Variants in SKAP2 observed in about 807,000 individuals in gnomAD.
The protein encoded by SKAP2 is src kinase-associated phosphoprotein 2.
SKAP2 carries 28 observed loss-of-function variants against 54.9 expected under a neutral mutation model. The ratio of observed to expected loss-of-function variants is 0.51; its 90% CI spans 0.38 to 0.70. The LOEUF (loss-of-function observed/expected upper bound fraction) is 0.70, where lower values mean the gene tolerates loss of function less well. Among genes scored for constraint, SKAP2 ranks in the 30% least tolerant of loss-of-function variants. SKAP2 has a pLI of 0.00. For synonymous variants in SKAP2, 137 were observed against 134.3 expected (o/e 1.02, Z -0.14); for missense variants, 356 against 424.1 (o/e 0.84, Z 1.41).
intron 4 of SKAP2, among the ~76,000 whole-genome samples, chr7:26,767,627 T>A (rs887157268): frequency 9.2e-5 from 14 of 152,226 alleles, no homozygotes; most frequent in African/African-American, 3.4e-4. Flanking sequence ...TAAACACTGC[T>A]TTAGCTGTGT....
chr7:26,815,691 G>A (rs1431076757), intron 4 of SKAP2, among the ~76,000 whole-genome samples: 3 of 152,042 alleles, frequency 2.0e-5, no homozygotes, highest in African/African-American at 7.2e-5. Context: ...TATGATGGAG[G>A]ATAAATCAAT....
At chr7:26,728,396 T>C (rs1293435359) in intron 6 of SKAP2, among the ~76,000 whole-genome samples, 1 of 152,076 alleles carries the variant, frequency 6.6e-6, no homozygotes, top group Non-Finnish European at 1.5e-5. Context: ...ATAAGAAAAA[T>C]TTAGTATGCA....
rs767927651 is a variant in SKAP2 at position 26,750,008 on chromosome 7, GGTTAA to G, written c.308-10049_308-10045del. Among the ~76,000 whole-genome samples, 46 of 151,688 alleles carry G rather than the reference GGTTAA, an allele frequency of 3.0e-4. No individual in the cohort carries two copies. The East Asian group carries it at 8.9e-3, about 29-fold the overall frequency. ...ATGTCATCATCACATAACCCTAAGA[GGTTAA>G]GTATTACTAACTCTATATTACCAAT... On this transcript the variant is annotated intron_variant, in intron 4 of 12. Transcript: ENST00000345317.
At chr7:26,727,830 T>C (rs1412955274) in intron 6 of SKAP2, among the ~76,000 whole-genome samples, 1 of 152,156 alleles carries the variant, frequency 6.6e-6, no homozygotes, top group Non-Finnish European at 1.5e-5. Flanking sequence ...TTACACCATT[T>C]TGATAGAAAA....
the SKAP2 span, among the ~76,000 whole-genome samples, chr7:26,656,723 G>A: frequency 6.6e-6 from 1 of 152,166 alleles, no homozygotes; most frequent in African/African-American, 2.4e-5. Context: ...GTTTGAGAAT[G>A]AGCACTGCTT....
intron 4 of SKAP2, among the ~76,000 whole-genome samples, chr7:26,762,565 C>T (rs931238613): frequency 1.3e-5 from 2 of 151,908 alleles, no homozygotes; most frequent in African/African-American, 4.8e-5. Flanking sequence ...CAGCTAGGCG[C>T]GGTGGCTCAT....
At chr7:26,793,067 CAT>C (rs930890653) in intron 4 of SKAP2, among the ~76,000 whole-genome samples, 1 of 152,156 alleles carries the variant, frequency 6.6e-6, no homozygotes, top group Non-Finnish European at 1.5e-5. Context: ...CTAGCAGTGA[CAT>C]AGTGTTTGCT....
the SKAP2 span, among the ~76,000 whole-genome samples, chr7:26,657,336 A>G: frequency 1.3e-5 from 2 of 152,078 alleles, no homozygotes; most frequent in African/African-American, 4.8e-5. Flanking sequence ...ACAACCAAAG[A>G]CACTTAAGGC....
chr7:26,753,723 G>A (rs183727215), intron 4 of SKAP2, among the ~76,000 whole-genome samples: 1 of 152,212 alleles, frequency 6.6e-6, no homozygotes, highest in Admixed American at 6.5e-5. Flanking sequence ...GGCAGTTACC[G>A]AGCATCCACT....
At chr7:26,807,988 T>C (rs910462180) in intron 4 of SKAP2, among the ~76,000 whole-genome samples, 3 of 152,240 alleles carry the variant, frequency 2.0e-5, no homozygotes, top group African/African-American at 7.2e-5. Context: ...CTTTTATGCA[T>C]ATAAATCAAA....
chr7:26,771,261 C>T (rs1783182637), intron 4 of SKAP2, among the ~76,000 whole-genome samples: 3 of 152,144 alleles, frequency 2.0e-5, no homozygotes, highest in Non-Finnish European at 2.9e-5. Flanking sequence ...TAAAGGTACA[C>T]TCGCCTATTG....
chr7:26,776,838 C>G (rs1023695760), intron 4 of SKAP2, among the ~76,000 whole-genome samples: 2 of 152,142 alleles, frequency 1.3e-5, no homozygotes, highest in Admixed American at 6.6e-5. Flanking sequence ...TGTGATAGAG[C>G]CTGACTTTTT....
At position 26,668,780 on chromosome 7, in the gene SKAP2, C is replaced by T. The variant is rs560782710; in HGVS notation, c.*886G>A. On this transcript the variant is annotated 3_prime_UTR_variant, in exon 13 of 13. Coordinates refer to ENST00000345317, the MANE Select transcript of SKAP2 (RefSeq NM_003930.5). ...TACCTTGTTCAAGCAATTCTCGTGC[C>T]TTGGCCTCCCAAGTAGCTGGGACTG... is the stretch of plus-strand genomic sequence containing the variant. The T allele has an allele frequency of 6.6e-6, 1 of 151,856 alleles. No homozygotes were observed. Among genetic ancestry groups the T allele is most frequent in the African/African-American group, 2.4e-5 (1 of 41,356 alleles). The allele number at this position is 151,856 out of a possible 1,614,324, so 9.4% of individuals were successfully genotyped here.
chr7:26,843,931 G>A (rs570095933), intron 4 of SKAP2, 99 bp downstream of exon 4: 10 of 719,478 alleles, frequency 1.4e-5, no homozygotes, highest in East Asian at 1.0e-4. Flanking sequence ...TAAGTTAACC[G>A]AAGCCTCTAT....
rs1787894714 is a variant in SKAP2, at chr7:26,735,014, C to T, written c.469+3781G>A. On this transcript the variant is annotated intron_variant, in intron 6 of 12. Coordinates refer to ENST00000345317, the MANE Select transcript of SKAP2 (RefSeq NM_003930.5). ...ACTTCCCTAGGCAATTAGTTTCCCT[C>T]CTTTGTGATCCAAAGATACCTTATT... 2.0e-5 allele frequency among the ~76,000 whole-genome samples: 3 copies of T among 152,160 alleles called. No individual in the cohort carries two copies. In the South Asian group the frequency reaches 6.2e-4, roughly 32 times the overall value.
At chr7:26,807,241 T>C (rs1784047931) in intron 4 of SKAP2, among the ~76,000 whole-genome samples, 1 of 152,184 alleles carries the variant, frequency 6.6e-6, no homozygotes, top group Non-Finnish European at 1.5e-5. Flanking sequence ...TTGAGAGGAT[T>C]GCCTCTGATA....
At chr7:26,756,791 C>A (rs1480515549) in intron 4 of SKAP2, among the ~76,000 whole-genome samples, 1 of 152,184 alleles carries the variant, frequency 6.6e-6, no homozygotes, top group Non-Finnish European at 1.5e-5. Flanking sequence ...TTTACAGTCC[C>A]ACCAACAGTG....
chr7:26,837,144 A>G (rs1235711082), intron 4 of SKAP2, among the ~76,000 whole-genome samples: 1 of 152,042 alleles, frequency 6.6e-6, no homozygotes, highest in Non-Finnish European at 1.5e-5. Context: ...ATGAGAACAC[A>G]TGGACGCAGG....
intron 4 of SKAP2, among the ~76,000 whole-genome samples, chr7:26,829,028 C>CA (rs1784550550): frequency 6.6e-6 from 1 of 151,282 alleles, no homozygotes; most frequent in Admixed American, 6.6e-5. Flanking sequence ...GACTCTGTCT[C>CA]AAAAAAATAA....
Sources: allele counts gnomAD v4.1 joint callset (sites outside exome capture counted in the v4.1 genomes callset), GRCh38; gene constraint gnomAD v4.1.1; transcripts MANE v1.5; gene names NCBI Gene and HGNC (gene_info 2026-07-23, HGNC 2026-07-21).